The following DLG2 variants were observed in gnomAD, a reference collection of about 807,000 sequenced individuals.
DLG2 encodes the protein disks large homolog 2.
In DLG2, 45 loss-of-function variants were observed where a neutral mutation model predicts 132.5. The ratio of observed to expected loss-of-function variants is 0.34; its 90% CI spans 0.27 to 0.44. The LOEUF (loss-of-function observed/expected upper bound fraction) is 0.44. Among genes scored for constraint, DLG2 ranks in the 20% least tolerant of loss-of-function variants. The probability of loss-of-function intolerance (pLI) is 1.00; values close to 1 mark genes in which losing one functional copy is unlikely to be tolerated. For synonymous variants in DLG2, 424 were observed against 419.6 expected (o/e 1.01, Z -0.13); for missense variants, 1,045 against 1,196.9 (o/e 0.87, Z 1.87).
chr11:85,208,949 G>A (rs550917697), intron 4 of DLG2, among the ~76,000 whole-genome samples: 23 of 152,114 alleles, frequency 1.5e-4, no homozygotes, highest in Non-Finnish European at 2.9e-4. Flanking sequence ...AAGTTCAACC[G>A]TACTCCCCTA....
At chr11:84,688,842 C>T (rs76958401) in intron 6 of DLG2, among the ~76,000 whole-genome samples, 2,272 of 152,260 alleles carry the variant, frequency 0.015, 69 homozygotes, top group African/African-American at 0.051. Context: ...CTCACCTCTA[C>T]CCTGTTCCTG....
rs371011323 is a variant in DLG2 at position 85,603,521 on chromosome 11, TTC to T, written c.-92-4735_-92-4734del. On this transcript the variant is annotated intron_variant, in intron 2 of 27. Transcript: ENST00000376104. The stretch of plus-strand genomic sequence containing the variant: ...TACAAGTGCTGAGCACCTTTTTCTT[TTC>T]TCTCTCTTTTTTTTTTTAATACAAT... 9.7e-4 allele frequency among the ~76,000 whole-genome samples: 147 copies of T among 152,202 alleles called. 3 individuals carry two copies. The East Asian group carries it at 0.025, about 26-fold the overall frequency.
intron 6 of DLG2, among the ~76,000 whole-genome samples, chr11:84,586,496 C>T (rs1207755174): frequency 6.6e-6 from 1 of 152,078 alleles, no homozygotes; most frequent in East Asian, 1.9e-4. Flanking sequence ...AGCCTGTTGG[C>T]TAAGATCAAG....
At chr11:84,362,352 T>C (rs1370665502) in intron 7 of DLG2, among the ~76,000 whole-genome samples, 4 of 152,008 alleles carry the variant, frequency 2.6e-5, no homozygotes, top group African/African-American at 4.8e-5. Flanking sequence ...TCCAAATTAA[T>C]AGGTTCATAA....
chr11:84,780,987 C>T (rs2071645394), intron 6 of DLG2, among the ~76,000 whole-genome samples: 1 of 112,060 alleles, frequency 8.9e-6, no homozygotes. Context: ...TGCTTTACTC[C>T]AGGATTGTAC....
At chr11:84,000,643 CT>C (rs1312717988) in intron 11 of DLG2, among the ~76,000 whole-genome samples, 2 of 152,064 alleles carry the variant, frequency 1.3e-5, no homozygotes. Flanking sequence ...ACAAGGGAAT[CT>C]CCACTAGACT....
At chr11:85,017,744 C>A (rs1246754213) in intron 6 of DLG2, among the ~76,000 whole-genome samples, 1 of 152,238 alleles carries the variant, frequency 6.6e-6, no homozygotes, top group Non-Finnish European at 1.5e-5. Context: ...CAATACACAA[C>A]CTCCACCCTC....
At chr11:83,892,593 C>T (rs1451573994) in intron 15 of DLG2, among the ~76,000 whole-genome samples, 3 of 151,826 alleles carry the variant, frequency 2.0e-5, no homozygotes, top group African/African-American at 7.3e-5. Flanking sequence ...CAAGTTACAA[C>T]TTTGTGAGGA....
intron 3 of DLG2, among the ~76,000 whole-genome samples, chr11:85,552,095 GAAA>G: frequency 1.6e-5 from 1 of 64,218 alleles, no homozygotes. Flanking sequence ...GGACTTAAAA[GAAA>G]AAAAAAAAAA....
At chr11:83,926,382 T>C (rs1436189820) in intron 15 of DLG2, among the ~76,000 whole-genome samples, 1 of 152,142 alleles carries the variant, frequency 6.6e-6, no homozygotes, top group African/African-American at 2.4e-5. Flanking sequence ...GCTATATCAA[T>C]ATGGGCAAGT....
chr11:85,050,118 T>TCA (rs33991615), intron 6 of DLG2, among the ~76,000 whole-genome samples: 82,049 of 136,646 alleles, frequency 0.6, 24,606 homozygotes, highest in Non-Finnish European at 0.65. Flanking sequence ...CACTGTGTCA[T>TCA]CACACACACA....
chr11:84,479,957 G>A (rs953577527), intron 7 of DLG2, among the ~76,000 whole-genome samples: 11 of 152,028 alleles, frequency 7.2e-5, no homozygotes, highest in East Asian at 1.9e-4. Context: ...CTGTTAAAAT[G>A]TATCCTCCTT....
At chr11:85,459,944 A>C (rs894176424) in intron 3 of DLG2, among the ~76,000 whole-genome samples, 9 of 152,154 alleles carry the variant, frequency 5.9e-5, no homozygotes, top group Admixed American at 1.3e-4. Flanking sequence ...GCTGTACAGG[A>C]GATCTGTACC....
intron 6 of DLG2, among the ~76,000 whole-genome samples, chr11:85,042,720 T>C (rs1455133805): frequency 6.6e-6 from 1 of 151,930 alleles, no homozygotes; most frequent in African/African-American, 2.4e-5. Flanking sequence ...AAGAAATCTG[T>C]CATGTATGAT....
intron 4 of DLG2, among the ~76,000 whole-genome samples, chr11:85,226,121 AATT>A (rs2074958728): frequency 6.6e-6 from 1 of 151,610 alleles, no homozygotes; most frequent in Admixed American, 6.6e-5. Context: ...ATAGTGACAT[AATT>A]GTTATATTAA....
chr11:84,617,992 A>T (rs2099607414), intron 6 of DLG2, among the ~76,000 whole-genome samples: 1 of 152,118 alleles, frequency 6.6e-6, no homozygotes, highest in Non-Finnish European at 1.5e-5. Flanking sequence ...AAGGGCACTT[A>T]AACCAGTCTT....
At chr11:84,937,611 T>C (rs2154095016) in intron 6 of DLG2, among the ~76,000 whole-genome samples, 1 of 152,012 alleles carries the variant, frequency 6.6e-6, no homozygotes, top group East Asian at 1.9e-4. Context: ...GGAGAGGACA[T>C]GAGGAAAGGC....
chr11:83,893,472 C>T (rs1055928866), intron 15 of DLG2, among the ~76,000 whole-genome samples: 1 of 152,192 alleles, frequency 6.6e-6, no homozygotes, highest in Non-Finnish European at 1.5e-5. Flanking sequence ...TCTCTAAGGG[C>T]ATCTGCATTC....
intron 3 of DLG2, among the ~76,000 whole-genome samples, chr11:85,445,406 G>C (rs1420882398): frequency 6.6e-6 from 1 of 152,132 alleles, no homozygotes; most frequent in Admixed American, 6.6e-5. Flanking sequence ...GGCCGGGCGC[G>C]GTGGCTCATG....
Sources: gnomAD v4.1 joint callset for allele counts (sites outside exome capture counted in the v4.1 genomes callset) on GRCh38, gnomAD v4.1.1 for gene constraint, MANE v1.5 for transcripts, NCBI Gene and HGNC (gene_info 2026-07-23, HGNC 2026-07-21) for gene names.